Variants in DLG2 observed in about 807,000 individuals in gnomAD.
DLG2 encodes the protein disks large homolog 2.
Under a neutral mutation model 132.5 loss-of-function variants are expected in DLG2, and 45 were observed. That is an observed-to-expected ratio of 0.34 (90% CI 0.27 to 0.44). The LOEUF (loss-of-function observed/expected upper bound fraction) is 0.44. Ranked by LOEUF, DLG2 falls within the 20% of genes least tolerant of loss-of-function variation. The probability of loss-of-function intolerance (pLI) is 1.00; values close to 1 mark genes in which losing one functional copy is unlikely to be tolerated. For missense variants in DLG2, 1,045 were observed against 1,196.9 expected (o/e 0.87, Z 1.87); for synonymous variants, 424 against 419.6 (o/e 1.01, Z -0.13).
chr11:84,327,355 T>C lies in DLG2; in HGVS notation c.520-76064A>G, dbSNP rs369532163. 1.8e-3 allele frequency among the ~76,000 whole-genome samples: 280 copies of C among 152,324 alleles called. 9 individuals carry two copies. In the South Asian group the frequency reaches 0.053, roughly 29 times the overall value. On this transcript the variant is annotated intron_variant, in intron 7 of 27. Coordinates refer to ENST00000376104, the MANE Select transcript of DLG2 (RefSeq NM_001142699.3). ...GCCTTGGCCTCCCAAAGTGCTGGGA[T>C]TGCAGTTGTGAGACACCGTGCCCAG...
chr11:85,287,181 A>G (rs900700535), intron 3 of DLG2, among the ~76,000 whole-genome samples: 2 of 152,128 alleles, frequency 1.3e-5, no homozygotes, highest in African/African-American at 4.8e-5. Context: ...GTAGTTCATT[A>G]TGTATCAATT....
At chr11:84,681,428 T>C (rs571126256) in intron 6 of DLG2, among the ~76,000 whole-genome samples, 14 of 152,314 alleles carry the variant, frequency 9.2e-5, no homozygotes, top group African/African-American at 3.1e-4. Context: ...TCAATCTAGC[T>C]GGTTGAGGCA....
At chr11:84,095,463 T>C (rs1051656388) in intron 10 of DLG2, among the ~76,000 whole-genome samples, 1 of 152,194 alleles carries the variant, frequency 6.6e-6, no homozygotes, top group Non-Finnish European at 1.5e-5. Context: ...ACAATGTCCT[T>C]CTCCCATGTC....
At chr11:84,199,749 A>T in intron 8 of DLG2, among the ~76,000 whole-genome samples, 1 of 152,122 alleles carries the variant, frequency 6.6e-6, no homozygotes, top group East Asian at 1.9e-4. Flanking sequence ...ATTATTCAGG[A>T]TAAAATCTGA....
At chr11:84,236,813 G>T (rs991007305) in intron 8 of DLG2, among the ~76,000 whole-genome samples, 1 of 152,166 alleles carries the variant, frequency 6.6e-6, no homozygotes. Context: ...CTTTAACTTA[G>T]TTATTTAGTT....
intron 16 of DLG2, among the ~76,000 whole-genome samples, chr11:83,854,670 A>G (rs369229787): frequency 3.9e-5 from 6 of 152,186 alleles, no homozygotes; most frequent in Admixed American, 2.6e-4. Flanking sequence ...GAGAAAATCT[A>G]GATGACCTTG....
intron 11 of DLG2, among the ~76,000 whole-genome samples, chr11:84,040,214 C>G (rs2096024066): frequency 6.6e-6 from 1 of 151,190 alleles, no homozygotes; most frequent in South Asian, 2.1e-4. Context: ...TGCAGAAGCT[C>G]TTTAGTTTAA....
intron 7 of DLG2, among the ~76,000 whole-genome samples, chr11:84,527,442 G>T (rs891735619): frequency 2.6e-5 from 4 of 152,016 alleles, no homozygotes; most frequent in Non-Finnish European, 5.9e-5. Context: ...AATGTGCATT[G>T]CCTACAGATT....
chr11:85,625,253 T>C (rs1345918250), intron 2 of DLG2: 1 of 152,162 alleles, frequency 6.6e-6, no homozygotes. Context: ...AGAAACTCTC[T>C]AGAGAAATGG....
chr11:84,057,208 T>C (rs2096519110), intron 11 of DLG2, among the ~76,000 whole-genome samples: 1 of 152,112 alleles, frequency 6.6e-6, no homozygotes, highest in South Asian at 2.1e-4. Flanking sequence ...ATCTAAAATA[T>C]GTGTTCTTGG....
chr11:84,652,877 G>A (rs1038098914), intron 6 of DLG2, among the ~76,000 whole-genome samples: 1 of 150,552 alleles, frequency 6.6e-6, no homozygotes. Flanking sequence ...AAGTCAGTGT[G>A]TTTCACAAGA....
chr11:83,535,154 A>T (rs1435776906), intron 20 of DLG2, among the ~76,000 whole-genome samples: 1 of 152,232 alleles, frequency 6.6e-6, no homozygotes, highest in Non-Finnish European at 1.5e-5. Context: ...ATCCAAGGGC[A>T]AATGATAATT....
At chr11:84,666,178 T>A (rs923755328) in intron 6 of DLG2, among the ~76,000 whole-genome samples, 2 of 152,118 alleles carry the variant, frequency 1.3e-5, no homozygotes, top group Non-Finnish European at 2.9e-5. Context: ...GAGATTAACA[T>A]TGAAATTAAA....
At chr11:85,236,569 C>T (rs759195137) in intron 4 of DLG2, among the ~76,000 whole-genome samples, 17 of 151,948 alleles carry the variant, frequency 1.1e-4, no homozygotes, top group East Asian at 3.9e-4. Flanking sequence ...TCTCCAAATA[C>T]GGTCATATTC....
chr11:85,474,674 C>G (rs578076801), intron 3 of DLG2, among the ~76,000 whole-genome samples: 1 of 151,818 alleles, frequency 6.6e-6, no homozygotes, highest in African/African-American at 2.4e-5. Context: ...TGTTCTCTAT[C>G]TATGCAGTCA....
At chr11:84,224,370 G>C (rs1342433912) in intron 8 of DLG2, among the ~76,000 whole-genome samples, 1 of 152,118 alleles carries the variant, frequency 6.6e-6, no homozygotes, top group Admixed American at 6.5e-5. Context: ...GAGGCTGTTT[G>C]TTTGATCTTT....
Position 84,891,808 on chromosome 11 carries a change from G to T in DLG2, c.357+219853C>A, listed in dbSNP as rs557009797. Among the ~76,000 whole-genome samples, 117 of 152,232 alleles carry T rather than the reference G, an allele frequency of 7.7e-4. 2 individuals are homozygous for T. In the South Asian group the frequency reaches 0.023, roughly 31 times the overall value. On this transcript the variant is annotated intron_variant, in intron 6 of 27. Transcript: ENST00000376104. ...AGCATCTGCTTTGTGCCAGATATGT[G>T]AACAGCCCTGTGAATACAGACCTAA...
chr11:84,761,148 T>G (rs1173550577), intron 6 of DLG2, among the ~76,000 whole-genome samples: 3 of 152,212 alleles, frequency 2.0e-5, no homozygotes, highest in Non-Finnish European at 2.9e-5. Context: ...ACACTGGGGT[T>G]GCAGGTATCC....
chr11:83,948,029 G>A (rs778096104), intron 14 of DLG2, among the ~76,000 whole-genome samples: 5 of 152,160 alleles, frequency 3.3e-5, no homozygotes, highest in African/African-American at 7.2e-5. Context: ...CAGTTTACTA[G>A]TACTATTATA....
Sources: allele counts gnomAD v4.1 joint callset (sites outside exome capture counted in the v4.1 genomes callset), GRCh38; gene constraint gnomAD v4.1.1; transcripts MANE v1.5; gene names NCBI Gene and HGNC (gene_info 2026-07-23, HGNC 2026-07-21).